Variants in HARBI1 observed in about 807,000 individuals in gnomAD.
The protein encoded by HARBI1 is putative nuclease HARBI1.
A neutral mutation model predicts 25.3 loss-of-function variants in HARBI1; 15 were observed. The observed-to-expected ratio is 0.59, with a 90% confidence interval of 0.40 to 0.91. HARBI1 has a LOEUF of 0.91. Ranked by LOEUF, HARBI1 falls within the 40% of genes least tolerant of loss-of-function variation. The probability of loss-of-function intolerance (pLI) is 0.00; values close to 1 mark genes in which losing one functional copy is unlikely to be tolerated. For synonymous variants in HARBI1, 168 were observed against 160.5 expected (o/e 1.05, Z -0.35); for missense variants, 396 against 445.8 (o/e 0.89, Z 1.01).
chr11:46,604,934 A>AAAC (rs767549285), intron 2 of HARBI1, among the ~76,000 whole-genome samples: 1 of 152,196 alleles, frequency 6.6e-6, no homozygotes, highest in East Asian at 1.9e-4. Context: ...AGTGCTAACA[A>AAAC]AACAACAACA....
At chr11:46,612,479 G>C (rs1375076944) in intron 2 of HARBI1, among the ~76,000 whole-genome samples, 1 of 151,862 alleles carries the variant, frequency 6.6e-6, no homozygotes, top group Non-Finnish European at 1.5e-5. Context: ...CCTCAGAGCT[G>C]TACAGTCACC....
intron 2 of HARBI1, chr11:46,604,327 C>T (rs915060240): frequency 3.6e-5 from 30 of 830,592 alleles, no homozygotes; most frequent in Non-Finnish European, 4.4e-5. Context: ...GCCTGACCAA[C>T]GTGGGAGGCG....
At position 46,616,306 on chromosome 11, in the gene HARBI1, G is replaced by T; in HGVS notation, c.-69C>A. ...GTTCCCAATGAAGATGTTGGTGCAAGAACGTATTTTTAAGAAAGTATCAGA... is the reference window on the plus strand; with the variant it reads ...GTTCCCAATGAAGATGTTGGTGCAATAACGTATTTTTAAGAAAGTATCAGA... On this transcript the variant is annotated 5_prime_UTR_variant, in exon 2 of 3. Coordinates refer to ENST00000326737, the MANE Select transcript of HARBI1 (RefSeq NM_173811.4). The T allele has an allele frequency of 1.3e-6, 2 of 1,523,584 alleles. No individual in the cohort carries two copies. Among genetic ancestry groups the T allele is most frequent in the Non-Finnish European group, 1.7e-6 (2 of 1,144,184 alleles). 94.4% of individuals were successfully genotyped at this position (1,523,584 alleles called of 1,614,324 possible). A position where few individuals can be genotyped will look rare whatever the true frequency, so the allele number is the denominator to read the frequency against.
chr11:46,615,713 G>A lies in HARBI1; in HGVS notation c.525C>T (p.Asn175=). Reference sequence around the variant, plus strand: ...CTCTAATGTCACACACCATCAGGCAGTTTAAAGAATGCAGGCCTTTTCGGT... The same window carrying A: ...CTCTAATGTCACACACCATCAGGCAATTTAAAGAATGCAGGCCTTTTCGGT... The part of the protein sequence containing the change: ...YVNRKGLHSL[N]CLMVCDIRGT... Residue 175 remains asparagine, a synonymous_variant, in exon 2 of 3, where the codon AAC becomes AAT. Coordinates refer to ENST00000326737, the MANE Select transcript of HARBI1 (RefSeq NM_173811.4). 2 of 1,614,180 alleles carry A rather than the reference G, an allele frequency of 1.2e-6. No homozygotes were observed. Among genetic ancestry groups the A allele is most frequent in the Non-Finnish European group, 8.5e-7 (1 of 1,180,036 alleles).
At chr11:46,614,424 CAATAAT>C (rs755471273) in intron 2 of HARBI1, among the ~76,000 whole-genome samples, 3 of 151,140 alleles carry the variant, frequency 2.0e-5, no homozygotes, top group Non-Finnish European at 3.0e-5. Flanking sequence ...AACTCTGTCT[CAATAAT>C]AATAATAATA....
At chr11:46,609,831 A>T (rs542014231) in intron 2 of HARBI1, among the ~76,000 whole-genome samples, 260 of 150,924 alleles carry the variant, frequency 1.7e-3, no homozygotes, top group African/African-American at 3.1e-3. Context: ...TACAAAAAAA[A>T]AAATAAATAA....
At chr11:46,608,284 G>C (rs1405316605) in intron 2 of HARBI1, among the ~76,000 whole-genome samples, 32 of 151,982 alleles carry the variant, frequency 2.1e-4, no homozygotes, top group Admixed American at 1.9e-3. Flanking sequence ...GGCAACAAGA[G>C]CGAAACTCCA....
rs563729474 is a variant in HARBI1 at position 46,613,485 on chromosome 11, T to A, written c.670+2083A>T. On this transcript the variant is annotated intron_variant, in intron 2 of 2. Coordinates refer to ENST00000326737, the MANE Select transcript of HARBI1 (RefSeq NM_173811.4). ...GTCCTGATAAGTATGTTGGCTTTTTTTTTTTTTTTTTTTTTGAGACAGAGT... is the reference window on the plus strand; with the variant it reads ...GTCCTGATAAGTATGTTGGCTTTTTATTTTTTTTTTTTTTTGAGACAGAGT... Among the ~76,000 whole-genome samples, 10 of 147,910 alleles carry A rather than the reference T, an allele frequency of 6.8e-5. No individual in the cohort carries two copies. The South Asian group carries it at 2.2e-3, about 32-fold the overall frequency.
At position 46,615,583 on chromosome 11, in the gene HARBI1, CTT is replaced by C; in HGVS notation, c.653_654del (p.Lys218ArgfsTer2). The C allele has an allele frequency of 1.2e-6, 2 of 1,612,956 alleles. No homozygotes were observed. The highest frequency in any genetic ancestry group is 1.7e-6 in the Non-Finnish European group (2 of 1,179,216). ...LSSQFEAGMH[K>X]DSWLLGDSSF... is the part of the protein sequence containing the mutation. ...GCAAACTTACCCAGAAGCCAGCTAT[CTT>C]TGTGCATACCCGCTTCAAACTGACT... On this transcript the variant is annotated frameshift_variant, in exon 2 of 3. Transcript: ENST00000326737. LOFTEE classifies it high-confidence loss of function.
chr11:46,612,407 A>C (rs1407941329), intron 2 of HARBI1, among the ~76,000 whole-genome samples: 2 of 151,918 alleles, frequency 1.3e-5, no homozygotes, highest in African/African-American at 4.8e-5. Flanking sequence ...AAAAAAAAAC[A>C]AACCCAAAAA....
chr11:46,610,267 T>A (rs919101685), intron 2 of HARBI1, among the ~76,000 whole-genome samples: 2 of 151,870 alleles, frequency 1.3e-5, no homozygotes, highest in Non-Finnish European at 2.9e-5. Context: ...CTTCAATAAG[T>A]TGTGATCATG....
chr11:46,615,327 T>C lies in HARBI1; in HGVS notation c.670+241A>G, dbSNP rs536410461. 2.0e-5 allele frequency among the ~76,000 whole-genome samples: 3 copies of C among 152,000 alleles called. No individual in the cohort carries two copies. In the South Asian group the frequency reaches 6.2e-4, roughly 32 times the overall value. On this transcript the variant is annotated intron_variant, in intron 2 of 2. Transcript: ENST00000326737. The stretch of plus-strand genomic sequence containing the variant: ...ACCTCTGCCTTCTGGGTTCAAGCGA[T>C]TGTCCTGCCTCAGCCTCCCGAGTAG...
At chr11:46,610,638 G>T (rs768423097) in intron 2 of HARBI1, among the ~76,000 whole-genome samples, 8 of 152,096 alleles carry the variant, frequency 5.3e-5, no homozygotes, top group Non-Finnish European at 1.2e-4. Flanking sequence ...CCAGCTGGGC[G>T]ACAGAGCGAG....
At chr11:46,608,906 CACCTG>C (rs1385801137) in intron 2 of HARBI1, among the ~76,000 whole-genome samples, 7 of 150,138 alleles carry the variant, frequency 4.7e-5, no homozygotes, top group Non-Finnish European at 1.0e-4. Context: ...TGAGCCACCG[CACCTG>C]ACAAATTTTT....
At chr11:46,610,287 T>TC (rs1219705941) in intron 2 of HARBI1, among the ~76,000 whole-genome samples, 1 of 151,620 alleles carries the variant, frequency 6.6e-6, no homozygotes, top group African/African-American at 2.4e-5. Context: ...GCCAGTGCAC[T>TC]CCAGCGTGGG....
chr11:46,610,365 A>ATAT (rs2045130068), intron 2 of HARBI1, among the ~76,000 whole-genome samples: 3 of 147,440 alleles, frequency 2.0e-5, no homozygotes, highest in Admixed American at 2.0e-4. Flanking sequence ...ATATATATAT[A>ATAT]AAATAATAAA....
Position 46,616,413 on chromosome 11 carries a change from C to A in HARBI1, c.-144-32G>T, listed in dbSNP as rs1378356876. 7 of 1,420,528 alleles carry A rather than the reference C, an allele frequency of 4.9e-6. No individual in the cohort carries two copies. In the South Asian group the frequency reaches 9.5e-5, roughly 19 times the overall value. 88.0% of individuals were successfully genotyped at this position (1,420,528 alleles called of 1,614,324 possible). A position where few individuals can be genotyped will look rare whatever the true frequency, so the allele number is the denominator to read the frequency against. On this transcript the variant is annotated intron_variant, in intron 1 of 2. Coordinates refer to ENST00000326737, the MANE Select transcript of HARBI1 (RefSeq NM_173811.4). ...ATGTTAAAAGAAAAAACATTAGGAA[C>A]CTACCAAAGACTTTAAAGTGACTCA...
Position 46,610,367 on chromosome 11 carries a change from A to AC in HARBI1, c.670+5200_670+5201insG, listed in dbSNP as rs2045130281. On this transcript the variant is annotated intron_variant, in intron 2 of 2. Coordinates refer to ENST00000326737, the MANE Select transcript of HARBI1 (RefSeq NM_173811.4). ...ATATAATATATATATATATATATAA[A>AC]ATAATAAAAAGGCCAGGCGCGGTGG... Among the ~76,000 whole-genome samples the AC allele has an allele frequency of 2.0e-5, 3 of 148,668 alleles. No individual in the cohort carries two copies. The Admixed American group carries it at 2.0e-4, about 10-fold the overall frequency.
intron 1 of HARBI1, 37 bp downstream of exon 1, chr11:46,617,087 G>C (rs1176740061): frequency 1.2e-6 from 1 of 816,504 alleles, no homozygotes; most frequent in East Asian, 1.3e-4. Context: ...AAGTCTGATT[G>C]CGCCGGCCAC....
Sources: gnomAD v4.1 joint callset for allele counts (sites outside exome capture counted in the v4.1 genomes callset) on GRCh38, gnomAD v4.1.1 for gene constraint, MANE v1.5 for transcripts, NCBI Gene and HGNC (gene_info 2026-07-23, HGNC 2026-07-21) for gene names.